The following MAP3K8 variants were observed in gnomAD, a reference collection of about 807,000 sequenced individuals.
MAP3K8 encodes the protein mitogen-activated protein kinase kinase kinase 8.
MAP3K8 carries 22 observed loss-of-function variants against 45.8 expected under a neutral mutation model. The ratio of observed to expected loss-of-function variants is 0.48; its 90% CI spans 0.34 to 0.69. MAP3K8 has a LOEUF of 0.69. Ranked by LOEUF, MAP3K8 falls within the 30% of genes least tolerant of loss-of-function variation. The probability of loss-of-function intolerance (pLI) is 0.01; values close to 1 mark genes in which losing one functional copy is unlikely to be tolerated. For missense variants in MAP3K8, 419 were observed against 585.0 expected (o/e 0.72, Z 2.93); for synonymous variants, 223 against 214.3 (o/e 1.04, Z -0.36).
chr10:30,454,748 T>C (rs1168940026), intron 6 of MAP3K8, among the ~76,000 whole-genome samples: 1 of 149,582 alleles, frequency 6.7e-6, no homozygotes, highest in Non-Finnish European at 1.5e-5. Context: ...AGGGAAGCTG[T>C]ACTTTTTTTT....
chr10:30,444,044 G>C (rs895081358), intron 3 of MAP3K8, among the ~76,000 whole-genome samples: 2 of 151,732 alleles, frequency 1.3e-5, no homozygotes, highest in South Asian at 4.2e-4. Context: ...AAAAAAGTCA[G>C]CCAGGTGAGG....
At chr10:30,457,616 G>C (rs995702125) in intron 6 of MAP3K8, among the ~76,000 whole-genome samples, 2 of 152,140 alleles carry the variant, frequency 1.3e-5, no homozygotes, top group Non-Finnish European at 2.9e-5. Flanking sequence ...TTTGCCACCA[G>C]ATCAACCAGA....
At chr10:30,455,131 G>C (rs1836692199) in intron 6 of MAP3K8, among the ~76,000 whole-genome samples, 1 of 152,072 alleles carries the variant, frequency 6.6e-6, no homozygotes, top group African/African-American at 2.4e-5. Flanking sequence ...AATGCAAATT[G>C]CTTTTTGTGA....
chr10:30,450,730 T>A (rs1278156467), intron 5 of MAP3K8: 9 of 563,666 alleles, frequency 1.6e-5, no homozygotes, highest in Non-Finnish European at 2.5e-5. Context: ...TTTCAACAGT[T>A]GTTGAAAGGT....
At chr10:30,438,794 A>T in intron 2 of MAP3K8, 122 bp from the exon 3 acceptor site, 1 of 611,536 alleles carries the variant, frequency 1.6e-6, no homozygotes, top group Non-Finnish European at 2.8e-6. Context: ...TTGACACAGA[A>T]CCCTCGTTTT....
intron 3 of MAP3K8, among the ~76,000 whole-genome samples, chr10:30,445,789 A>G (rs1836304420): frequency 6.6e-6 from 1 of 152,246 alleles, no homozygotes; most frequent in South Asian, 2.1e-4. Flanking sequence ...ATAGTTTCTA[A>G]ATTTAATGAC....
chr10:30,435,852 TA>T (rs1564361753), intron 1 of MAP3K8, among the ~76,000 whole-genome samples: 1 of 152,226 alleles, frequency 6.6e-6, no homozygotes, highest in East Asian at 1.9e-4. Context: ...CCTAAAAAAA[TA>T]TTTTAAATGA....
At chr10:30,436,961 A>G (rs989323267) in intron 1 of MAP3K8, among the ~76,000 whole-genome samples, 11 of 151,934 alleles carry the variant, frequency 7.2e-5, no homozygotes, top group Admixed American at 1.3e-4. Context: ...ACGGCTCAGT[A>G]AAACCGAAGT....
chr10:30,451,806 T>A, intron 6 of MAP3K8, 62 bp downstream of exon 6: 1 of 931,406 alleles, frequency 1.1e-6, no homozygotes, highest in Non-Finnish European at 1.6e-6. Flanking sequence ...AAAAATGTTC[T>A]AGAATTATTG....
intron 5 of MAP3K8, 121 bp downstream of exon 5, chr10:30,450,640 C>T (rs1312344753): frequency 3.8e-6 from 3 of 779,772 alleles, no homozygotes; most frequent in African/African-American, 3.5e-5. Flanking sequence ...CTCAGAGCAC[C>T]GTCCGTCTTC....
At position 30,451,759 on chromosome 10, in the gene MAP3K8, A is replaced by G. The variant is rs1285357490; in HGVS notation, c.873+15A>G. 3.8e-6 allele frequency: 5 copies of G among 1,324,548 alleles called. No individual in the cohort carries two copies. Among genetic ancestry groups the G allele is most frequent in the South Asian group, 2.8e-5 (2 of 71,908 alleles). 82.0% of individuals were successfully genotyped at this position (1,324,548 alleles called of 1,614,324 possible). ...GAGGAACAGAGGTAATTATGTTCAC[A>G]TGAAAAGGGTTACTATTTTATTAAG... is the stretch of plus-strand genomic sequence containing the variant. On this transcript the variant is annotated intron_variant, in intron 6 of 8. Transcript: ENST00000263056.
chr10:30,435,455 G>A (rs531865691), intron 1 of MAP3K8, among the ~76,000 whole-genome samples: 2 of 152,316 alleles, frequency 1.3e-5, no homozygotes, highest in East Asian at 3.9e-4. Context: ...CGCCTGAAAC[G>A]CATAATCCGG....
chr10:30,457,347 T>C (rs1270478018), intron 6 of MAP3K8, among the ~76,000 whole-genome samples: 1 of 152,232 alleles, frequency 6.6e-6, no homozygotes, highest in African/African-American at 2.4e-5. Flanking sequence ...GAATCACTTC[T>C]ACAATATTAC....
At chr10:30,458,268 CGGGG>C in intron 7 of MAP3K8, 32 bp downstream of exon 7, 1 of 439,432 alleles carries the variant, frequency 2.3e-6, no homozygotes, top group Non-Finnish European at 3.7e-6. Flanking sequence ...CTGGGGGCGG[CGGGG>C]GGGGGCGTTG....
intron 3 of MAP3K8, among the ~76,000 whole-genome samples, chr10:30,447,149 T>G (rs1400665274): frequency 6.6e-6 from 1 of 152,226 alleles, no homozygotes; most frequent in African/African-American, 2.4e-5. Flanking sequence ...ATCTCGTTTG[T>G]GGCTGCCTCC....
At chr10:30,441,282 G>A (rs952017249) in intron 3 of MAP3K8, among the ~76,000 whole-genome samples, 7 of 151,588 alleles carry the variant, frequency 4.6e-5, no homozygotes, top group Non-Finnish European at 7.4e-5. Context: ...TCTGCCTCCC[G>A]AGTTGCTGGG....
intron 3 of MAP3K8, among the ~76,000 whole-genome samples, chr10:30,443,829 C>T (rs1836206115): frequency 6.6e-6 from 1 of 152,178 alleles, no homozygotes; most frequent in African/African-American, 2.4e-5. Flanking sequence ...CTTATAATGC[C>T]TGCCCTTACA....
intron 3 of MAP3K8, among the ~76,000 whole-genome samples, chr10:30,445,709 G>T (rs1243548663): frequency 6.6e-6 from 1 of 152,184 alleles, no homozygotes; most frequent in African/African-American, 2.4e-5. Flanking sequence ...AGGCAAGACC[G>T]CCATCTGCAC....
chr10:30,434,380 T>C lies in MAP3K8; in HGVS notation c.-255+2T>C. On this transcript the variant is annotated splice_donor_variant, in intron 1 of 8. Coordinates refer to ENST00000263056, the MANE Select transcript of MAP3K8 (RefSeq NM_005204.4). LOFTEE classifies it low-confidence loss of function (5UTR_SPLICE). ...GGCGTGGGAGCGCCAAGGCCGCAGG[T>C]AATCCAGGGTTGGGGGTCTCCGGCG... 1.1e-6 allele frequency: 1 copy of C among 895,402 alleles called. No individual in the cohort carries two copies. The highest frequency in any genetic ancestry group is 1.3e-6 in the Non-Finnish European group (1 of 747,718). The allele number at this position is 895,402 out of a possible 1,614,324, so 55.5% of individuals were successfully genotyped here.
Sources: allele counts gnomAD v4.1 joint callset (sites outside exome capture counted in the v4.1 genomes callset), GRCh38; gene constraint gnomAD v4.1.1; transcripts MANE v1.5; gene names NCBI Gene and HGNC (gene_info 2026-07-23, HGNC 2026-07-21).